Variants in DNER observed in about 807,000 individuals in gnomAD.
DNER encodes delta/notch like EGF repeat containing, also known as delta and Notch-like epidermal growth factor-related receptor.
DNER carries 33 observed loss-of-function variants against 78.2 expected under a neutral mutation model. The ratio of observed to expected loss-of-function variants is 0.42; its 90% CI spans 0.32 to 0.56. The LOEUF is 0.56. DNER is among the 20% of genes least tolerant of loss of function. DNER has a pLI of 0.11. For synonymous variants in DNER, 417 were observed against 384.8 expected, an observed-to-expected ratio of 1.08 and a Z score of -0.98; for missense variants, 918 against 975.3, an observed-to-expected ratio of 0.94 and a Z score of 0.78.
intron 10 of DNER, 56 bp downstream of exon 10, chr2:229,407,176 T>C (rs1574829353): frequency 1.3e-6 from 2 of 1,512,040 alleles, no homozygotes; most frequent in South Asian, 1.2e-5. Flanking sequence ...TTTTAACATC[T>C]GCAATCTCGG....
rs146504792 is a variant in DNER, at chr2:229,623,489, C to T, written c.277-31601G>A. ...CCCATACCTACTTGTTTTCCAAGAT[C>T]CCTGCCCCCAGCCCAGGCAGCCGGG... is the stretch of plus-strand genomic sequence containing the variant. On this transcript the variant is annotated intron_variant, in intron 1 of 12. Transcript: ENST00000341772. Among the ~76,000 whole-genome samples the T allele has an allele frequency of 4.8e-4, 73 of 152,292 alleles. 1 individual carries two copies. The highest frequency in any genetic ancestry group is 1.5e-3 in the African/African-American group (62 of 41,570).
At position 229,378,754 on chromosome 2, in the gene DNER, G is replaced by A. The variant is rs983111024; in HGVS notation, c.1855+9511C>T. ...GAGTTAGAAAGAGACCTCAGAGGCC[G>A]TGGTTCCCATGGCTCACGCAGGACT... On this transcript the variant is annotated intron_variant, in intron 11 of 12. Transcript: ENST00000341772. Among the ~76,000 whole-genome samples the A allele has an allele frequency of 6.6e-5, 10 of 152,286 alleles. No homozygotes were observed. In the East Asian group the frequency reaches 7.7e-4, roughly 12 times the overall value.
At chr2:229,390,987 T>C (rs1180850642) in intron 10 of DNER, among the ~76,000 whole-genome samples, 1 of 152,164 alleles carries the variant, frequency 6.6e-6, no homozygotes, top group African/African-American at 2.4e-5. Flanking sequence ...GGCTCTCAGT[T>C]TGAGGCCTTT....
At chr2:229,374,883 CTG>C (rs1193628593) in intron 11 of DNER, among the ~76,000 whole-genome samples, 1 of 152,138 alleles carries the variant, frequency 6.6e-6, no homozygotes, top group Non-Finnish European at 1.5e-5. Context: ...GTATATTAGG[CTG>C]TGTGTTACAT....
chr2:229,483,361 C>A (rs1695206078), intron 6 of DNER, among the ~76,000 whole-genome samples: 1 of 152,190 alleles, frequency 6.6e-6, no homozygotes, highest in Non-Finnish European at 1.5e-5. Context: ...GGACGTAGAT[C>A]AAGCCCATGG....
At chr2:229,643,202 G>A (rs1698657802) in intron 1 of DNER, among the ~76,000 whole-genome samples, 1 of 152,172 alleles carries the variant, frequency 6.6e-6, no homozygotes, top group Non-Finnish European at 1.5e-5. Context: ...GGGTGAGAGA[G>A]TGAGCCCCTG....
chr2:229,438,602 C>T (rs1193729544), intron 8 of DNER, among the ~76,000 whole-genome samples: 1 of 152,168 alleles, frequency 6.6e-6, no homozygotes, highest in Non-Finnish European at 1.5e-5. Context: ...TAGATAGTCG[C>T]TACTCTAGTC....
chr2:229,549,987 T>C (rs1474327805), intron 4 of DNER, among the ~76,000 whole-genome samples: 1 of 151,964 alleles, frequency 6.6e-6, no homozygotes, highest in Admixed American at 6.6e-5. Context: ...CTCATTTCCA[T>C]AGTTCTATGC....
At chr2:229,587,287 C>T (rs1302301428) in intron 3 of DNER, 1 of 152,340 alleles carries the variant, frequency 6.6e-6, no homozygotes, top group African/African-American at 2.4e-5. Context: ...CCGGGGTCCC[C>T]CTGCTGGTAG....
chr2:229,519,249 T>A (rs974779223), intron 5 of DNER, among the ~76,000 whole-genome samples: 1 of 152,238 alleles, frequency 6.6e-6, no homozygotes, highest in Non-Finnish European at 1.5e-5. Context: ...TCTGTCATTT[T>A]ACCTCTCTCA....
chr2:229,685,383 A>ACTCATACTCTGAATTTGTGGTTGGAG (rs1553552388), intron 1 of DNER, among the ~76,000 whole-genome samples: 1 of 152,248 alleles, frequency 6.6e-6, no homozygotes, highest in Admixed American at 6.5e-5. Flanking sequence ...ACTAATTTGA[A>ACTCATACTCTGAATTTGTGGTTGGAG]TAAAAATATG....
rs115380872 is a variant in DNER, at chr2:229,704,315, G to A, written c.276+9833C>T. Among the ~76,000 whole-genome samples, 1,105 of 152,166 alleles carry A rather than the reference G, an allele frequency of 7.3e-3. 13 individuals are homozygous for A. The highest frequency in any genetic ancestry group is 0.025 in the African/African-American group (1,035 of 41,498). ...GGCAGCATCTTCTAAAGTTTAACAC[G>A]CACTTACCACATGACCCAGCAATCC... is the stretch of plus-strand genomic sequence containing the variant. On this transcript the variant is annotated intron_variant, in intron 1 of 12. Coordinates refer to ENST00000341772, the MANE Select transcript of DNER (RefSeq NM_139072.4).
At chr2:229,451,570 T>C (rs986840141) in intron 7 of DNER, among the ~76,000 whole-genome samples, 2 of 152,220 alleles carry the variant, frequency 1.3e-5, no homozygotes, top group Non-Finnish European at 2.9e-5. Flanking sequence ...AATCCTACTA[T>C]TATAGTAGGA....
intron 9 of DNER, 110 bp downstream of exon 9, chr2:229,417,998 T>A (rs1574834399): frequency 6.5e-7 from 1 of 1,545,714 alleles, no homozygotes; most frequent in East Asian, 2.3e-5. Flanking sequence ...AGCATTTGAT[T>A]GTTATTCTGA....
intron 5 of DNER, among the ~76,000 whole-genome samples, chr2:229,544,706 G>A (rs1696585707): frequency 6.6e-6 from 1 of 151,804 alleles, no homozygotes; most frequent in South Asian, 2.1e-4. Flanking sequence ...CTAATTTTTT[G>A]TATTTTTAGT....
intron 10 of DNER, among the ~76,000 whole-genome samples, chr2:229,397,474 A>AAAAAAAAAAAAAAG (rs900805435): frequency 1.5e-3 from 223 of 149,760 alleles, no homozygotes; most frequent in African/African-American, 5.4e-3. Flanking sequence ...AAAAAAAAAA[A>AAAAAAAAAAAAAAG]AAAAACTGCA....
rs886869411 is a variant in DNER, at chr2:229,649,562, T to C, written c.277-57674A>G. On this transcript the variant is annotated intron_variant, in intron 1 of 12. Transcript: ENST00000341772. ...CACTGAACGCCAAGATGCGCACAAC[T>C]CTTGCAAGCCAGTATGAGTTGGCTC... is the stretch of plus-strand genomic sequence containing the variant. Among the ~76,000 whole-genome samples the C allele has an allele frequency of 6.6e-5, 10 of 152,208 alleles. 1 individual carries two copies. The highest frequency in any genetic ancestry group is 1.3e-4 in the Non-Finnish European group (9 of 68,038).
Position 229,447,538 on chromosome 2 carries a change from A to T in DNER, c.1264T>A (p.Tyr422Asn). 6.2e-7 allele frequency: 1 copy of T among 1,613,822 alleles called. No homozygotes were observed. The highest frequency in any genetic ancestry group is 8.5e-7 in the Non-Finnish European group (1 of 1,179,866). The change falls in exon 8 of 13, where the codon TAC becomes AAC. Residue 422 changes from tyrosine (Y) to asparagine (N), a missense_variant and splice_region_variant. Transcript: ENST00000341772. ...SGFTCQCPEG[Y>N]FGSACEEKVD... ...TTTTCTTCACAAGCAGATCCGAAGTATCCTGTGAAAAAACACATGAGAGCT... is the reference window on the plus strand; with the variant it reads ...TTTTCTTCACAAGCAGATCCGAAGTTTCCTGTGAAAAAACACATGAGAGCT...
intron 4 of DNER, among the ~76,000 whole-genome samples, chr2:229,559,473 A>C: frequency 1.3e-5 from 2 of 152,286 alleles, no homozygotes; most frequent in Middle Eastern, 6.8e-3. Flanking sequence ...GAAAGATAAG[A>C]TCTCTGTGAC....
Sources: allele counts gnomAD v4.1 joint callset (sites outside exome capture counted in the v4.1 genomes callset), GRCh38; gene constraint gnomAD v4.1.1; transcripts MANE v1.5; gene names NCBI Gene and HGNC (gene_info 2026-07-23, HGNC 2026-07-21).